Variants in FNDC3A observed in about 807,000 individuals in gnomAD.
FNDC3A encodes the protein fibronectin type III domain containing 3A, also known as fibronectin type-III domain-containing protein 3A.
FNDC3A carries 32 observed loss-of-function variants against 148.9 expected under a neutral mutation model. The observed-to-expected ratio is 0.21, with a 90% CI of 0.16 to 0.29. The LOEUF is 0.29. FNDC3A is among the 10% of genes least tolerant of loss of function. The pLI, the probability that FNDC3A is intolerant of heterozygous loss-of-function variation, is 1.00. For synonymous variants in FNDC3A, 472 were observed against 473.6 expected, an observed-to-expected ratio of 1.00 and a Z score of 0.04; for missense variants, 1,191 against 1,452.8, an observed-to-expected ratio of 0.82 and a Z score of 2.93.
At chr13:49,070,894 G>GTTTT (rs930772693) in intron 2 of FNDC3A, among the ~76,000 whole-genome samples, 31 of 135,420 alleles carry the variant, frequency 2.3e-4, no homozygotes, top group Non-Finnish European at 3.7e-4. Context: ...TTTTTTTTTT[G>GTTTT]TTTTGTTTTT....
chr13:49,204,175 A>G (rs1172521143), intron 25 of FNDC3A, among the ~76,000 whole-genome samples: 1 of 152,244 alleles, frequency 6.6e-6, no homozygotes, highest in Admixed American at 6.5e-5. Context: ...TTCCTAGCCA[A>G]GAGGTTTCAA....
At chr13:49,037,933 G>T (rs1347779331) in intron 2 of FNDC3A, among the ~76,000 whole-genome samples, 1 of 152,210 alleles carries the variant, frequency 6.6e-6, no homozygotes, top group Admixed American at 6.5e-5. Flanking sequence ...TGGCACCCAG[G>T]TTCTTGTGCA....
At chr13:49,070,691 T>C (rs1236286551) in intron 2 of FNDC3A, among the ~76,000 whole-genome samples, 3 of 152,130 alleles carry the variant, frequency 2.0e-5, no homozygotes, top group Non-Finnish European at 4.4e-5. Context: ...TTAACTGATT[T>C]CTTCTCAATC....
intron 2 of FNDC3A, chr13:49,045,791 T>C (rs1043548017): frequency 1.2e-3 from 2 of 1,714 alleles, no homozygotes; most frequent in Non-Finnish European, 5.4e-3. Context: ...ATGACAGTCC[T>C]TTTTTTTTTT....
rs1190919374 is a variant in FNDC3A, at chr13:49,186,009, G to A, written c.1663G>A (p.Val555Ile). ...AGGTAAAAGTAATCCAAGTGAAGTA[G>A]TAGAATTTACTACTTGCCCTGATAA... ...SEGKSNPSEV[V>I]EFTTCPDKPG... The change falls in exon 15 of 26, where the codon GTA (valine) becomes ATA (isoleucine). Residue 555 changes from valine to isoleucine, a missense_variant. Coordinates refer to ENST00000492622, the MANE Select transcript of FNDC3A (RefSeq NM_001079673.2). 1.2e-6 allele frequency: 2 copies of A among 1,612,148 alleles called. No homozygotes were observed. Among genetic ancestry groups the A allele is most frequent in the Non-Finnish European group, 1.7e-6 (2 of 1,178,466 alleles).
chr13:49,102,028 T>A lies in FNDC3A; in HGVS notation c.176-12627T>A, dbSNP rs369572426. On this transcript the variant is annotated intron_variant, in intron 3 of 25. Coordinates refer to ENST00000492622, the MANE Select transcript of FNDC3A (RefSeq NM_001079673.2). The stretch of plus-strand genomic sequence containing the variant: ...CCTTTTTAAATTTTTATGTATTTAT[T>A]TATCTCACTGTTTTGCCCAGGCTGG... Among the ~76,000 whole-genome samples, 795 of 152,060 alleles carry A rather than the reference T, an allele frequency of 5.2e-3. 6 individuals carry two copies. Among genetic ancestry groups the A allele is most frequent in the African/African-American group, 0.018 (759 of 41,506 alleles).
At chr13:49,167,163 TCTAAA>T (rs1479480705) in intron 8 of FNDC3A, 76 bp from the exon 9 acceptor site, 23 of 741,360 alleles carry the variant, frequency 3.1e-5, no homozygotes, top group Admixed American at 5.1e-5. Flanking sequence ...CATAAAATAC[TCTAAA>T]CTATAGTGTA....
At chr13:49,160,729 T>TC (rs1884048879) in intron 8 of FNDC3A, among the ~76,000 whole-genome samples, 1 of 151,970 alleles carries the variant, frequency 6.6e-6, no homozygotes, top group Non-Finnish European at 1.5e-5. Context: ...CGATTTTAGA[T>TC]CTTTCCTGCT....
intron 3 of FNDC3A, among the ~76,000 whole-genome samples, chr13:49,097,662 C>T (rs1879618475): frequency 6.6e-6 from 1 of 152,034 alleles, no homozygotes; most frequent in African/African-American, 2.4e-5. Flanking sequence ...ACATTCTGTG[C>T]CAAGCCTCCA....
At chr13:49,137,466 T>A (rs1467294981) in intron 6 of FNDC3A, among the ~76,000 whole-genome samples, 3 of 152,170 alleles carry the variant, frequency 2.0e-5, no homozygotes, top group Admixed American at 1.3e-4. Context: ...TGCCTCAGCC[T>A]CCTGAGTAGC....
intron 11 of FNDC3A, 103 bp from the exon 12 acceptor site, chr13:49,174,332 T>C: frequency 3.4e-6 from 3 of 870,672 alleles, no homozygotes; most frequent in Non-Finnish European, 5.4e-6. Flanking sequence ...TCCATGACTT[T>C]TAGTATACAC....
intron 1 of FNDC3A, among the ~76,000 whole-genome samples, chr13:48,979,528 GAAGA>G (rs977440258): frequency 2.6e-5 from 4 of 152,094 alleles, no homozygotes; most frequent in Admixed American, 6.5e-5. Flanking sequence ...AAATTGGGAC[GAAGA>G]AAGAAAGAAA....
intron 2 of FNDC3A, among the ~76,000 whole-genome samples, chr13:49,055,150 C>T (rs1876132196): frequency 6.6e-6 from 1 of 151,460 alleles, no homozygotes; most frequent in African/African-American, 2.4e-5. Context: ...GTTGCCCAGG[C>T]TGGGGTGCGG....
chr13:49,185,489 C>T (rs1345012517), intron 14 of FNDC3A, among the ~76,000 whole-genome samples: 1 of 152,170 alleles, frequency 6.6e-6, no homozygotes. Flanking sequence ...AGGGAAGTTA[C>T]ACACACCGTC....
intron 25 of FNDC3A, among the ~76,000 whole-genome samples, chr13:49,206,781 A>T (rs1259903568): frequency 6.6e-6 from 1 of 152,236 alleles, no homozygotes; most frequent in Non-Finnish European, 1.5e-5. Context: ...TGAGAAAAGC[A>T]AGAAAATGCT....
chr13:49,112,091 C>G (rs989260173), intron 3 of FNDC3A, among the ~76,000 whole-genome samples: 3 of 152,126 alleles, frequency 2.0e-5, no homozygotes, highest in Admixed American at 6.5e-5. Context: ...TTAGCAATAA[C>G]TTATTATTCT....
At chr13:49,106,347 C>G (rs1177368877) in intron 3 of FNDC3A, among the ~76,000 whole-genome samples, 1 of 152,074 alleles carries the variant, frequency 6.6e-6, no homozygotes, top group Non-Finnish European at 1.5e-5. Flanking sequence ...GGGTCTCACT[C>G]TGTTGTCCAG....
At chr13:48,987,359 G>A (rs990269426) in intron 1 of FNDC3A, among the ~76,000 whole-genome samples, 4 of 152,116 alleles carry the variant, frequency 2.6e-5, no homozygotes, top group African/African-American at 7.2e-5. Context: ...TTTCTCTCTT[G>A]TTTCCATAGT....
At chr13:49,140,030 GTA>G (rs1194252091) in intron 7 of FNDC3A, among the ~76,000 whole-genome samples, 31 of 152,184 alleles carry the variant, frequency 2.0e-4, no homozygotes, top group Non-Finnish European at 1.5e-4. Flanking sequence ...ACTTGTTGTA[GTA>G]TATATTAAAA....
Sources: allele counts gnomAD v4.1 joint callset (sites outside exome capture counted in the v4.1 genomes callset), GRCh38; gene constraint gnomAD v4.1.1; transcripts MANE v1.5; gene names NCBI Gene and HGNC (gene_info 2026-07-23, HGNC 2026-07-21).